The following C1orf21 variants were observed in gnomAD, a reference collection of about 807,000 sequenced individuals.
The protein encoded by C1orf21 is uncharacterized protein C1orf21.
A neutral mutation model predicts 18.7 loss-of-function variants in C1orf21; 3 were observed. The observed-to-expected ratio is 0.16, with a 90% CI of 0.07 to 0.42. C1orf21 has a LOEUF of 0.42. Among genes scored for constraint, C1orf21 ranks in the 10% least tolerant of loss-of-function variants. The probability of loss-of-function intolerance (pLI) is 0.99; values close to 1 mark genes in which losing one functional copy is unlikely to be tolerated. For missense variants in C1orf21, 104 were observed against 143.6 expected, an observed-to-expected ratio of 0.72 and a Z score of 1.41; for synonymous variants, 41 against 46.4, an observed-to-expected ratio of 0.88 and a Z score of 0.47.
chr1:184,448,617 G>A (rs540676360), intron 1 of C1orf21, among the ~76,000 whole-genome samples: 6 of 152,278 alleles, frequency 3.9e-5, no homozygotes, highest in Admixed American at 3.3e-4. Context: ...ATGTGGTGGT[G>A]GACTGCATGC....
chr1:184,564,852 G>A (rs1263155786), intron 3 of C1orf21, among the ~76,000 whole-genome samples: 1 of 152,110 alleles, frequency 6.6e-6, no homozygotes, highest in East Asian at 1.9e-4. Flanking sequence ...TTCACCTGCT[G>A]CTTACACGGC....
intron 5 of C1orf21, among the ~76,000 whole-genome samples, chr1:184,603,930 G>A (rs1659617765): frequency 6.6e-6 from 1 of 152,246 alleles, no homozygotes; most frequent in African/African-American, 2.4e-5. Context: ...AACTAACGTG[G>A]TTGGTGAAAA....
intron 3 of C1orf21, among the ~76,000 whole-genome samples, chr1:184,515,925 G>A (rs1411927904): frequency 6.6e-6 from 1 of 152,144 alleles, no homozygotes; most frequent in Non-Finnish European, 1.5e-5. Context: ...CAATTCTCCT[G>A]CCTCAGCCTC....
At chr1:184,610,115 G>A (rs1354777948) in intron 5 of C1orf21, among the ~76,000 whole-genome samples, 1 of 152,204 alleles carries the variant, frequency 6.6e-6, no homozygotes, top group African/African-American at 2.4e-5. Context: ...TGGCCCATAG[G>A]CCACATCCAG....
chr1:184,502,227 G>A (rs963729841), intron 2 of C1orf21, among the ~76,000 whole-genome samples: 1 of 152,180 alleles, frequency 6.6e-6, no homozygotes, highest in African/African-American at 2.4e-5. Flanking sequence ...CAAGGTGCCT[G>A]CATTTTGTAT....
chr1:184,433,970 C>G (rs1571355599), intron 1 of C1orf21, among the ~76,000 whole-genome samples: 1 of 152,116 alleles, frequency 6.6e-6, no homozygotes, highest in East Asian at 1.9e-4. Context: ...CTCTAAGAGC[C>G]CATCCCTGTC....
At chr1:184,410,660 TATA>T (rs1246327584) in intron 1 of C1orf21, among the ~76,000 whole-genome samples, 87 of 7,594 alleles carry the variant, frequency 0.011, 2 homozygotes, top group Non-Finnish European at 0.012. Context: ...TATATATATA[TATA>T]TTTTTTTTTT....
At chr1:184,575,610 G>GT (rs1553257222) in intron 3 of C1orf21, among the ~76,000 whole-genome samples, 2 of 70,554 alleles carry the variant, frequency 2.8e-5, no homozygotes, top group African/African-American at 1.3e-4. Context: ...ACACAAAAAG[G>GT]TAAAAAAAAA....
At chr1:184,456,844 A>T (rs950073244) in intron 1 of C1orf21, among the ~76,000 whole-genome samples, 5 of 152,200 alleles carry the variant, frequency 3.3e-5, no homozygotes, top group Non-Finnish European at 7.3e-5. Flanking sequence ...CAATCACTTC[A>T]TTGAAGACAA....
intron 3 of C1orf21, among the ~76,000 whole-genome samples, chr1:184,553,516 G>C (rs1444762775): frequency 6.6e-6 from 1 of 152,142 alleles, no homozygotes; most frequent in Non-Finnish European, 1.5e-5. Context: ...TACAGAAATA[G>C]GCTTAGAAGT....
intron 3 of C1orf21, among the ~76,000 whole-genome samples, chr1:184,535,639 A>G (rs1658539438): frequency 6.6e-6 from 1 of 152,250 alleles, no homozygotes; most frequent in Non-Finnish European, 1.5e-5. Context: ...AAGCAAATGC[A>G]GCATCATAGA....
At chr1:184,485,526 T>C (rs1435536024) in intron 2 of C1orf21, among the ~76,000 whole-genome samples, 4 of 152,178 alleles carry the variant, frequency 2.6e-5, no homozygotes, top group African/African-American at 9.7e-5. Flanking sequence ...CAAGTTTTAG[T>C]TTTTATTGGA....
At chr1:184,521,126 C>A (rs1658300392) in intron 3 of C1orf21, among the ~76,000 whole-genome samples, 1 of 152,166 alleles carries the variant, frequency 6.6e-6, no homozygotes, top group South Asian at 2.1e-4. Flanking sequence ...CTCCTGACCT[C>A]CACTCGCCTC....
intron 4 of C1orf21, 32 bp from the exon 5 acceptor site, chr1:184,598,369 A>C (rs1224968573): frequency 6.2e-7 from 1 of 1,605,576 alleles, no homozygotes. Flanking sequence ...CAAAGCACTA[A>C]AATATGCACT....
chr1:184,518,821 T>G (rs1056595014), intron 3 of C1orf21, among the ~76,000 whole-genome samples: 3 of 152,240 alleles, frequency 2.0e-5, no homozygotes, highest in Admixed American at 1.3e-4. Context: ...AGGAGATAGA[T>G]AAACATACTG....
chr1:184,511,147 A>G (rs1363467497), intron 3 of C1orf21, among the ~76,000 whole-genome samples: 4 of 152,198 alleles, frequency 2.6e-5, no homozygotes, highest in Admixed American at 1.3e-4. Context: ...AATATAAGGT[A>G]TCCATCCATT....
chr1:184,508,420 T>C (rs1180816710), intron 3 of C1orf21, among the ~76,000 whole-genome samples: 1 of 152,200 alleles, frequency 6.6e-6, no homozygotes, highest in Non-Finnish European at 1.5e-5. Flanking sequence ...TTTGATTACC[T>C]ATATTTGCTT....
At chr1:184,561,282 C>T (rs754015115) in intron 3 of C1orf21, among the ~76,000 whole-genome samples, 1 of 152,150 alleles carries the variant, frequency 6.6e-6, no homozygotes, top group African/African-American at 2.4e-5. Flanking sequence ...CCTCCTCCTC[C>T]TAATTTTAAG....
chr1:184,537,838 G>A (rs1374057513), intron 3 of C1orf21, among the ~76,000 whole-genome samples: 2 of 151,934 alleles, frequency 1.3e-5, no homozygotes, highest in East Asian at 1.9e-4. Context: ...TAGTAGAGAC[G>A]GGGTTTCTTC....
Sources: allele counts gnomAD v4.1 joint callset (sites outside exome capture counted in the v4.1 genomes callset), GRCh38; gene constraint gnomAD v4.1.1; transcripts MANE v1.5; gene names NCBI Gene and HGNC (gene_info 2026-07-23, HGNC 2026-07-21).